HDAC9: variants seen among roughly 807,000 people sequenced by gnomAD.
HDAC9 encodes histone deacetylase 9.
HDAC9 carries 41 observed loss-of-function variants against 139.4 expected under a neutral mutation model. The ratio of observed to expected loss-of-function variants is 0.29; its 90% CI spans 0.23 to 0.38. HDAC9 has a LOEUF of 0.38. HDAC9 is among the 10% of genes least tolerant of loss of function. The pLI, the probability that HDAC9 is intolerant of heterozygous loss-of-function variation, is 1.00. For synonymous variants in HDAC9, 517 were observed against 476.2 expected, an observed-to-expected ratio of 1.09 and a Z score of -1.12; for missense variants, 1,147 against 1,297.0, an observed-to-expected ratio of 0.88 and a Z score of 1.78.
At chr7:18,172,500 A>C (rs886550079) in intron 2 of HDAC9, among the ~76,000 whole-genome samples, 5 of 151,812 alleles carry the variant, frequency 3.3e-5, no homozygotes, top group African/African-American at 1.2e-4. Context: ...TACCTTTTCA[A>C]TTTGTTTGCT....
intron 22 of HDAC9, among the ~76,000 whole-genome samples, chr7:18,933,223 G>A (rs188203564): frequency 8.3e-4 from 127 of 152,258 alleles, no homozygotes; most frequent in Non-Finnish European, 4.0e-4. Context: ...GTCAGGTTCT[G>A]GTCAGGGCCT....
intron 22 of HDAC9, among the ~76,000 whole-genome samples, chr7:18,888,902 AGGTC>A (rs2129266650): frequency 6.6e-6 from 1 of 152,324 alleles, no homozygotes; most frequent in East Asian, 1.9e-4. Flanking sequence ...TCTATAGATA[AGGTC>A]TTTATTCCAT....
chr7:18,323,307 T>G (rs941092064), intron 1 of HDAC9, among the ~76,000 whole-genome samples: 6 of 152,254 alleles, frequency 3.9e-5, no homozygotes, highest in African/African-American at 1.4e-4. Context: ...GGTCCAAAGC[T>G]CTATTCTCTC....
rs558552276 is a variant in HDAC9, at chr7:18,270,965, T to C, written c.25+108616T>C. ...AACATTGTTAATTTGCAAAAATAAA[T>C]TTAGCATTAAAATTGATTCTGTGTG... is the stretch of plus-strand genomic sequence containing the variant. On this transcript the variant is annotated intron_variant, in intron 2 of 12. Transcript: ENST00000417496. Among the ~76,000 whole-genome samples the C allele has an allele frequency of 9.2e-5, 14 of 152,290 alleles. No individual in the cohort carries two copies. The South Asian group carries it at 2.9e-3, about 32-fold the overall frequency.
At chr7:18,917,094 T>C (rs1217407641) in intron 22 of HDAC9, among the ~76,000 whole-genome samples, 1 of 152,046 alleles carries the variant, frequency 6.6e-6, no homozygotes, top group Non-Finnish European at 1.5e-5. Context: ...TGAATATTTG[T>C]GGTAGACAGA....
At chr7:18,885,654 G>T (rs986820799) in intron 22 of HDAC9, among the ~76,000 whole-genome samples, 3 of 151,798 alleles carry the variant, frequency 2.0e-5, no homozygotes, top group African/African-American at 7.3e-5. Context: ...AGGTTTAATG[G>T]GTTATTAAAA....
intron 6 of HDAC9, among the ~76,000 whole-genome samples, chr7:18,613,245 T>G (rs1272430739): frequency 6.6e-6 from 1 of 151,944 alleles, no homozygotes; most frequent in Non-Finnish European, 1.5e-5. Context: ...TTTAAGAGTT[T>G]CATTAGCAAT....
chr7:18,984,163 A>G (rs1407509151), intron 25 of HDAC9, among the ~76,000 whole-genome samples: 2 of 152,138 alleles, frequency 1.3e-5, no homozygotes, highest in East Asian at 1.9e-4. Context: ...CCTTATGAAT[A>G]GAATCTGCAT....
At chr7:18,256,167 C>T (rs215122) in intron 2 of HDAC9, among the ~76,000 whole-genome samples, 63,514 of 151,824 alleles carry the variant, frequency 0.42, 14,426 homozygotes, top group Admixed American at 0.52. Context: ...GATTATTATA[C>T]AATGCCCCGT....
At chr7:18,969,312 G>A (rs1444649299) in intron 24 of HDAC9, among the ~76,000 whole-genome samples, 1 of 152,124 alleles carries the variant, frequency 6.6e-6, no homozygotes, top group Non-Finnish European at 1.5e-5. Context: ...TATCATCTTA[G>A]TTATAGGACT....
chr7:18,430,501 G>A (rs2128761621), intron 1 of HDAC9: 1 of 152,230 alleles, frequency 6.6e-6, no homozygotes, highest in East Asian at 1.9e-4. Context: ...TAGGATTATA[G>A]GTGTGAGTCA....
At chr7:18,432,742 T>C (rs913514207) in intron 1 of HDAC9, among the ~76,000 whole-genome samples, 1 of 152,116 alleles carries the variant, frequency 6.6e-6, no homozygotes, top group Non-Finnish European at 1.5e-5. Flanking sequence ...GGTCAGGAGA[T>C]AGAGACCATC....
At chr7:18,681,799 G>C (rs1183670857) in intron 12 of HDAC9, among the ~76,000 whole-genome samples, 1 of 151,992 alleles carries the variant, frequency 6.6e-6, no homozygotes, top group Non-Finnish European at 1.5e-5. Context: ...TACTGTCCCA[G>C]GTGCCAAGAT....
At chr7:18,876,894 G>T (rs1018942792) in intron 22 of HDAC9, among the ~76,000 whole-genome samples, 1 of 151,808 alleles carries the variant, frequency 6.6e-6, no homozygotes, top group African/African-American at 2.4e-5. Flanking sequence ...TAGAGACAGG[G>T]TTTCATCATG....
intron 17 of HDAC9, among the ~76,000 whole-genome samples, chr7:18,817,327 C>T (rs1794647770): frequency 6.6e-6 from 1 of 152,124 alleles, no homozygotes; most frequent in Non-Finnish European, 1.5e-5. Flanking sequence ...AGCCACCGCG[C>T]CCGGCCGAGA....
At chr7:18,388,846 C>A (rs1429310736) in intron 1 of HDAC9, among the ~76,000 whole-genome samples, 1 of 152,046 alleles carries the variant, frequency 6.6e-6, no homozygotes, top group Admixed American at 6.6e-5. Context: ...TTTATTTTTG[C>A]TCTTTGGGAA....
intron 12 of HDAC9, among the ~76,000 whole-genome samples, chr7:18,720,298 T>C (rs1785044460): frequency 6.6e-6 from 1 of 151,954 alleles, no homozygotes; most frequent in Non-Finnish European, 1.5e-5. Flanking sequence ...TCTTAAAGTT[T>C]GCATTTTAAT....
At chr7:18,258,961 T>C (rs1410355480) in intron 2 of HDAC9, among the ~76,000 whole-genome samples, 1 of 9,518 alleles carries the variant, frequency 1.1e-4, no homozygotes, top group African/African-American at 3.6e-4. Context: ...CTTTTTTTTT[T>C]TTTTTTTTTT....
intron 14 of HDAC9, 91 bp downstream of exon 14, chr7:18,749,229 A>C: frequency 7.6e-7 from 1 of 1,310,888 alleles, no homozygotes; most frequent in Non-Finnish European, 1.1e-6. Flanking sequence ...AAAAATATTA[A>C]CCATATAGTG....
Sources: allele counts gnomAD v4.1 joint callset (sites outside exome capture counted in the v4.1 genomes callset), GRCh38; gene constraint gnomAD v4.1.1; transcripts MANE v1.5; gene names NCBI Gene and HGNC (gene_info 2026-07-23, HGNC 2026-07-21).